The following NALF1 variants were observed in gnomAD, a reference collection of about 807,000 sequenced individuals.
NALF1 encodes family with sequence similarity 155 member A.
In NALF1, 3 loss-of-function variants were observed where a neutral mutation model predicts 48.4. That is an observed-to-expected ratio of 0.06 (90% CI 0.03 to 0.16). The LOEUF is 0.16. Among genes scored for constraint, NALF1 ranks in the 10% least tolerant of loss-of-function variants. The probability of loss-of-function intolerance (pLI) is 1.00; values close to 1 mark genes in which losing one functional copy is unlikely to be tolerated. For synonymous variants in NALF1, 262 were observed against 245.7 expected, an observed-to-expected ratio of 1.07 and a Z score of -0.62; for missense variants, 526 against 571.5, an observed-to-expected ratio of 0.92 and a Z score of 0.81.
chr13:107,450,382 G>C (rs1026305219), intron 1 of NALF1, among the ~76,000 whole-genome samples: 1 of 152,168 alleles, frequency 6.6e-6, no homozygotes, highest in South Asian at 2.1e-4. Context: ...ATGGGAGGGA[G>C]TGGTCAGGGC....
chr13:107,205,111 T>G (rs1422655328), intron 2 of NALF1, among the ~76,000 whole-genome samples: 1 of 152,042 alleles, frequency 6.6e-6, no homozygotes, highest in African/African-American at 2.4e-5. Context: ...ACCCACTAAC[T>G]CGTCATCTAG....
chr13:107,662,889 G>A (rs1880765973), intron 1 of NALF1, among the ~76,000 whole-genome samples: 1 of 152,048 alleles, frequency 6.6e-6, no homozygotes, highest in African/African-American at 2.4e-5. Flanking sequence ...GGCTAAGTAT[G>A]TTTTAGAGAT....
At chr13:107,658,871 C>T (rs1364135508) in intron 1 of NALF1, among the ~76,000 whole-genome samples, 1 of 151,930 alleles carries the variant, frequency 6.6e-6, no homozygotes, top group Non-Finnish European at 1.5e-5. Flanking sequence ...TTGATTATGC[C>T]CTTCCCCTAC....
At chr13:107,325,536 T>C (rs1050116142) in intron 1 of NALF1, among the ~76,000 whole-genome samples, 2 of 152,088 alleles carry the variant, frequency 1.3e-5, no homozygotes, top group Non-Finnish European at 1.5e-5. Flanking sequence ...CAGTCACTTA[T>C]CTTTTTAAGA....
At chr13:107,828,600 TATCTATACACACAC>T (rs1306288653) in intron 1 of NALF1, among the ~76,000 whole-genome samples, 264 of 103,622 alleles carry the variant, frequency 2.5e-3, no homozygotes, top group Non-Finnish European at 3.4e-3. Context: ...TCTATATCTA[TATCTATACACACAC>T]ACACACACAC....
intron 1 of NALF1, among the ~76,000 whole-genome samples, chr13:107,342,995 A>G (rs61967180): frequency 0.049 from 7,416 of 152,260 alleles, 253 homozygotes; most frequent in Non-Finnish European, 0.07. Flanking sequence ...AACTAAGGAA[A>G]CAGAGACTAT....
chr13:107,204,864 A>AC (rs1879601343), intron 2 of NALF1, among the ~76,000 whole-genome samples: 1 of 152,054 alleles, frequency 6.6e-6, no homozygotes, highest in Admixed American at 6.6e-5. Flanking sequence ...AGAAAAAAAA[A>AC]CCTGATTTTA....
intron 1 of NALF1, among the ~76,000 whole-genome samples, chr13:107,323,083 T>C (rs2138915726): frequency 6.6e-6 from 1 of 152,226 alleles, no homozygotes; most frequent in East Asian, 1.9e-4. Flanking sequence ...TCTGACTTTA[T>C]TAATAGACCA....
intron 1 of NALF1, among the ~76,000 whole-genome samples, chr13:107,211,313 T>C (rs1879756858): frequency 6.6e-6 from 1 of 152,138 alleles, no homozygotes; most frequent in East Asian, 1.9e-4. Context: ...TCACACCAAA[T>C]GCATTAAAAA....
At chr13:107,305,256 T>C (rs1340277940) in intron 1 of NALF1, among the ~76,000 whole-genome samples, 3 of 152,194 alleles carry the variant, frequency 2.0e-5, no homozygotes, top group South Asian at 2.1e-4. Context: ...TTTAGTCTGA[T>C]TGCATTAAAG....
intron 1 of NALF1, among the ~76,000 whole-genome samples, chr13:107,693,046 T>C (rs1298191083): frequency 6.6e-6 from 1 of 152,216 alleles, no homozygotes; most frequent in Non-Finnish European, 1.5e-5. Context: ...ATGGTATTTC[T>C]AGTTCTAGAT....
At chr13:107,220,355 C>T (rs916875790) in intron 1 of NALF1, among the ~76,000 whole-genome samples, 35 of 152,184 alleles carry the variant, frequency 2.3e-4, no homozygotes, top group African/African-American at 7.7e-4. Flanking sequence ...AATTGTGTCA[C>T]GTGGTTCTTT....
chr13:107,485,174 C>T (rs1266595118), intron 1 of NALF1, among the ~76,000 whole-genome samples: 2 of 152,118 alleles, frequency 1.3e-5, no homozygotes, highest in Non-Finnish European at 2.9e-5. Flanking sequence ...ATGAAGGCTC[C>T]AGAGCTGCTG....
intron 1 of NALF1, among the ~76,000 whole-genome samples, chr13:107,620,977 T>C (rs1879503063): frequency 6.6e-6 from 1 of 152,134 alleles, no homozygotes; most frequent in Non-Finnish European, 1.5e-5. Context: ...TACTGCTGTG[T>C]GTGAGTGTGT....
chr13:107,288,526 C>CTTTTT (rs368901866), intron 1 of NALF1, among the ~76,000 whole-genome samples: 1 of 119,132 alleles, frequency 8.4e-6, no homozygotes, highest in South Asian at 2.7e-4. Flanking sequence ...AGCCTGAAAA[C>CTTTTT]TTTTTTTTTT....
chr13:107,260,334 T>C (rs1880906036), intron 1 of NALF1, among the ~76,000 whole-genome samples: 1 of 152,186 alleles, frequency 6.6e-6, no homozygotes, highest in Non-Finnish European at 1.5e-5. Flanking sequence ...TTTAAAACGG[T>C]TGTCTTCTTT....
At chr13:107,331,851 AC>A (rs1882475510) in intron 1 of NALF1, among the ~76,000 whole-genome samples, 1 of 152,168 alleles carries the variant, frequency 6.6e-6, no homozygotes. Context: ...TTTTCATAAG[AC>A]ATTATAATTT....
chr13:107,423,878 G>T (rs186458717), intron 1 of NALF1, among the ~76,000 whole-genome samples: 12 of 151,870 alleles, frequency 7.9e-5, no homozygotes, highest in Non-Finnish European at 1.3e-4. Flanking sequence ...AGAATAATTC[G>T]CCAGGCTGAT....
chr13:107,210,547 C>A, intron 2 of NALF1, 37 bp downstream of exon 2: 2 of 1,456,516 alleles, frequency 1.4e-6, no homozygotes, highest in Admixed American at 1.7e-5. Flanking sequence ...GCAAAACCAC[C>A]GGAGACTGGT....
Sources: allele counts gnomAD v4.1 joint callset (sites outside exome capture counted in the v4.1 genomes callset), GRCh38; gene constraint gnomAD v4.1.1; transcripts MANE v1.5; gene names NCBI Gene and HGNC (gene_info 2026-07-23, HGNC 2026-07-21).